NDUFB9: variants seen among roughly 807,000 people sequenced by gnomAD.
The protein encoded by NDUFB9 is NADH dehydrogenase [ubiquinone] 1 beta subcomplex subunit 9.
NDUFB9 carries 24 observed loss-of-function variants against 30.2 expected under a neutral mutation model. The ratio of observed to expected loss-of-function variants is 0.80; its 90% CI spans 0.58 to 1.12. The LOEUF (loss-of-function observed/expected upper bound fraction) is 1.12, where lower values mean the gene tolerates loss of function less well. Among genes scored for constraint, NDUFB9 ranks in the 50% most tolerant of loss-of-function variants. The probability of loss-of-function intolerance (pLI) is 0.00; values close to 1 mark genes in which losing one functional copy is unlikely to be tolerated. For synonymous variants in NDUFB9, 80 were observed against 84.0 expected, an observed-to-expected ratio of 0.95 and a Z score of 0.26; for missense variants, 204 against 226.0, an observed-to-expected ratio of 0.90 and a Z score of 0.62.
At position 124,548,991 on chromosome 8, in the gene NDUFB9, G is replaced by A. The variant is rs1586718924; in HGVS notation, c.409-770G>A. 7.2e-5 allele frequency among the ~76,000 whole-genome samples: 11 copies of A among 152,346 alleles called. No homozygotes were observed. In the South Asian group the frequency reaches 2.1e-3, roughly 29 times the overall value. ...AAGGAAGGGCACTGTGGCCAAAGGG[G>A]GCAGTGTTTTGTCAGAAATGTCTCA... On this transcript the variant is annotated intron_variant, in intron 3 of 3. Transcript: ENST00000276689.
At chr8:124,547,381 T>C in intron 3 of NDUFB9, 1 of 606,096 alleles carries the variant, frequency 1.6e-6, no homozygotes, top group Non-Finnish European at 2.9e-6. Flanking sequence ...TTTGCCTTCT[T>C]GCTATACTTT....
chr8:124,540,701 A>T (rs1365944845), intron 1 of NDUFB9, among the ~76,000 whole-genome samples: 1 of 152,238 alleles, frequency 6.6e-6, no homozygotes, highest in African/African-American at 2.4e-5. Context: ...TTTAGATCTG[A>T]CATTCTTTCT....
intron 2 of NDUFB9, among the ~76,000 whole-genome samples, chr8:124,544,785 G>A (rs955325052): frequency 1.3e-5 from 2 of 151,742 alleles, no homozygotes; most frequent in East Asian, 3.8e-4. Context: ...CCACTTGCAA[G>A]TTTTATTATT....
intron 3 of NDUFB9, among the ~76,000 whole-genome samples, chr8:124,547,960 G>T (rs1422101649): frequency 2.0e-5 from 3 of 151,954 alleles, no homozygotes; most frequent in African/African-American, 7.3e-5. Flanking sequence ...ATTCCAGCCT[G>T]GGCGACAGAG....
intron 3 of NDUFB9, chr8:124,547,442 G>A: frequency 1.7e-6 from 1 of 594,262 alleles, no homozygotes; most frequent in Non-Finnish European, 3.0e-6. Context: ...AGTCATGTTA[G>A]GATGGTCAGT....
At chr8:124,541,770 A>G (rs1279667987) in intron 1 of NDUFB9, among the ~76,000 whole-genome samples, 1 of 144,960 alleles carries the variant, frequency 6.9e-6, no homozygotes, top group Non-Finnish European at 1.5e-5. Context: ...CGCCTGGCTA[A>G]TTTTTGTATT....
intron 2 of NDUFB9, among the ~76,000 whole-genome samples, chr8:124,545,710 T>G (rs572486625): frequency 2.0e-5 from 3 of 152,266 alleles, no homozygotes; most frequent in African/African-American, 7.2e-5. Flanking sequence ...TTTTATTTTT[T>G]GTAGAGATGG....
At chr8:124,539,329 G>T in intron 1 of NDUFB9, 42 bp downstream of exon 1, 1 of 1,602,146 alleles carries the variant, frequency 6.2e-7, no homozygotes, top group Non-Finnish European at 8.6e-7. Context: ...TGACCCTCGG[G>T]GCCCCATGGA....
At chr8:124,543,375 A>G (rs923509190) in intron 2 of NDUFB9, 96 bp downstream of exon 2, 3 of 1,280,644 alleles carry the variant, frequency 2.3e-6, no homozygotes, top group Non-Finnish European at 3.4e-6. Flanking sequence ...TTCAAGGGGT[A>G]GCTAGGAGAC....
intron 1 of NDUFB9, among the ~76,000 whole-genome samples, chr8:124,542,484 C>T (rs1398551577): frequency 1.3e-5 from 2 of 152,232 alleles, no homozygotes; most frequent in Admixed American, 6.5e-5. Flanking sequence ...CTGTCACCAT[C>T]ACAGCTCCGT....
At chr8:124,539,936 CGTCTGAGACTA>C (rs959914378) in intron 1 of NDUFB9, among the ~76,000 whole-genome samples, 1 of 152,190 alleles carries the variant, frequency 6.6e-6, no homozygotes, top group African/African-American at 2.4e-5. Context: ...GACCTCTATC[CGTCTGAGACTA>C]GTCTGAGAAC....
intron 1 of NDUFB9, among the ~76,000 whole-genome samples, chr8:124,542,009 G>A (rs28707590): frequency 4.0e-5 from 6 of 151,640 alleles, no homozygotes; most frequent in African/African-American, 9.7e-5. Flanking sequence ...TCTGCCTCCC[G>A]GGTTCAAGCT....
At position 124,539,314 on chromosome 8, in the gene NDUFB9, G is replaced by A. The variant is rs771729796; in HGVS notation, c.101+27G>A. 7 of 1,611,886 alleles carry A rather than the reference G, an allele frequency of 4.3e-6. No individual in the cohort carries two copies. The South Asian group carries it at 7.7e-5, about 18-fold the overall frequency. On this transcript the variant is annotated intron_variant, in intron 1 of 3. Coordinates refer to ENST00000276689, the MANE Select transcript of NDUFB9 (RefSeq NM_005005.3). ...TAAGGGATGGGGACCCAGGACTCGG[G>A]GAGGTGACCCTCGGGGCCCCATGGA...
intron 3 of NDUFB9, among the ~76,000 whole-genome samples, chr8:124,548,739 A>C (rs1273852956): frequency 6.6e-6 from 1 of 152,218 alleles, no homozygotes; most frequent in Non-Finnish European, 1.5e-5. Context: ...AATTTAAAAA[A>C]AAACAAAGTC....
intron 2 of NDUFB9, among the ~76,000 whole-genome samples, chr8:124,544,858 C>G (rs1180095541): frequency 6.6e-6 from 1 of 151,904 alleles, no homozygotes; most frequent in Admixed American, 6.6e-5. Flanking sequence ...TGGATTTGGG[C>G]AAAGTAAAAT....
intron 2 of NDUFB9, among the ~76,000 whole-genome samples, chr8:124,543,568 C>T (rs1240342003): frequency 1.3e-5 from 2 of 152,170 alleles, no homozygotes; most frequent in Non-Finnish European, 2.9e-5. Flanking sequence ...CTCAGTTTGG[C>T]AATTCTTGCA....
chr8:124,545,811 G>A lies in NDUFB9; in HGVS notation c.295-1189G>A, dbSNP rs190271562. ...TTCAAAGGGCTGGGACTAAAGGCAG[G>A]AGCCACCTCACCCAACCAATAATGT... is the stretch of plus-strand genomic sequence containing the variant. On this transcript the variant is annotated intron_variant, in intron 2 of 3. Coordinates refer to ENST00000276689, the MANE Select transcript of NDUFB9 (RefSeq NM_005005.3). Among the ~76,000 whole-genome samples, 9 of 152,034 alleles carry A rather than the reference G, an allele frequency of 5.9e-5. No homozygotes were observed. The East Asian group carries it at 1.6e-3, about 26-fold the overall frequency.
chr8:124,545,498 A>T (rs1196975475), intron 2 of NDUFB9, among the ~76,000 whole-genome samples: 1 of 152,176 alleles, frequency 6.6e-6, no homozygotes, highest in African/African-American at 2.4e-5. Context: ...GATGGCTCAG[A>T]TGATTGTTGG....
At chr8:124,547,183 G>C in intron 3 of NDUFB9, 70 bp downstream of exon 3, 1 of 1,166,686 alleles carries the variant, frequency 8.6e-7, no homozygotes, top group Non-Finnish European at 1.3e-6. Context: ...CCCACAAGCA[G>C]AGGTCCAGAT....
Sources: gnomAD v4.1 joint callset for allele counts (sites outside exome capture counted in the v4.1 genomes callset) on GRCh38, gnomAD v4.1.1 for gene constraint, MANE v1.5 for transcripts, NCBI Gene and HGNC (gene_info 2026-07-23, HGNC 2026-07-21) for gene names.